Variants in PPL observed in about 807,000 individuals in gnomAD.
The protein encoded by PPL is periplakin, also known as 190 kDa paraneoplastic pemphigus antigen.
Under a neutral mutation model 194.4 loss-of-function variants are expected in PPL, and 198 were observed. The observed-to-expected ratio is 1.02, with a 90% CI of 0.91 to 1.15. The LOEUF (loss-of-function observed/expected upper bound fraction) is 1.15, where lower values mean the gene tolerates loss of function less well. PPL is among the 50% of genes most tolerant of loss of function. PPL has a pLI of 0.00. For missense variants in PPL, 2,885 were observed against 2,294.8 expected (o/e 1.26, Z -5.25); for synonymous variants, 1,220 against 972.4 (o/e 1.25, Z -4.74).
Position 4,890,931 on chromosome 16 carries a change from C to T in PPL, c.1969-10G>A. On this transcript the variant is annotated splice_polypyrimidine_tract_variant and intron_variant, in intron 16 of 21. Transcript: ENST00000345988. ...ACTCACAGGCCATGGCCTGGCGGGG[C>T]AGAGGAGGAGACGGCGGTGCTACGG... The T allele has an allele frequency of 6.6e-7, 1 of 1,508,496 alleles. No homozygotes were observed. The highest frequency in any genetic ancestry group is 8.9e-7 in the Non-Finnish European group (1 of 1,121,586). The allele number at this position is 1,508,496 out of a possible 1,614,324, so 93.4% of individuals were successfully genotyped here. A position where few individuals can be genotyped will look rare whatever the true frequency, so the allele number is the denominator to read the frequency against.
At position 4,888,771 on chromosome 16, in the gene PPL, G is replaced by C. The variant is rs570674566; in HGVS notation, c.2397+207C>G. On this transcript the variant is annotated intron_variant, in intron 19 of 21. Transcript: ENST00000345988. Reference sequence around the variant, plus strand: ...TTCCCCCAAAGTGTTTACTGCTTCAGAGTATAAAACCCTTTTACAGCATTC... The same window carrying C: ...TTCCCCCAAAGTGTTTACTGCTTCACAGTATAAAACCCTTTTACAGCATTC... The C allele has an allele frequency of 6.2e-5, 34 of 546,876 alleles. No individual in the cohort carries two copies. In the South Asian group the frequency reaches 1.2e-3, roughly 19 times the overall value. The allele number at this position is 546,876 out of a possible 1,614,324, so 33.9% of individuals were successfully genotyped here.
At chr16:4,903,824 CCCCCCG>C in intron 3 of PPL, 56 bp downstream of exon 3, 2 of 1,586,100 alleles carry the variant, frequency 1.3e-6, no homozygotes, top group Non-Finnish European at 8.6e-7. Flanking sequence ...CTGAACAGGA[CCCCCCG>C]CCCTGGCCCA....
Position 4,885,936 on chromosome 16 carries a change from G to GCCT in PPL, c.2716_2718dup (p.Arg907dup), listed in dbSNP as rs746823937. The GCCT allele has an allele frequency of 3.1e-6, 5 of 1,612,968 alleles. No individual in the cohort carries two copies. The highest frequency in any genetic ancestry group is 3.4e-6 in the Non-Finnish European group (4 of 1,180,024). On this transcript the variant is annotated inframe_insertion, in exon 22 of 22. Coordinates refer to ENST00000345988, the MANE Select transcript of PPL (RefSeq NM_002705.5). This position sits in a 1 kb window ranked among gnomAD's most constrained non-coding sequence, Gnocchi z 6.3. ...CTCTTGACCTCGTTCTCCAGCTGCC[G>GCCT]CCTCCGCTCAGTCTCCTCATCCAGT...
rs747427216 is a variant in PPL at position 4,902,544 on chromosome 16, C to T, written c.318-18G>A. 7 of 1,610,588 alleles carry T rather than the reference C, an allele frequency of 4.3e-6. No homozygotes were observed. The highest frequency in any genetic ancestry group is 5.1e-6 in the Non-Finnish European group (6 of 1,178,330). ...GGCGGATACTGATGGGAGAGAGGCTCCCACTTAGTGGGGCTGGTTGGCACT... is the reference window on the plus strand; with the variant it reads ...GGCGGATACTGATGGGAGAGAGGCTTCCACTTAGTGGGGCTGGTTGGCACT... On this transcript the variant is annotated intron_variant, in intron 3 of 21. Transcript: ENST00000345988. This position sits in a 1 kb window ranked among gnomAD's most constrained non-coding sequence, Gnocchi z 4.0.
At position 4,890,918 on chromosome 16, in the gene PPL, T is replaced by C. The variant is rs1406419176; in HGVS notation, c.1972A>G (p.Met658Val). ...LDSKGQELAAMACELQAQKSL... is the reference protein window; with the variant it reads ...LDSKGQELAAVACELQAQKSL... ...TTCTGGGCCTGTAACTCACAGGCCATGGCCTGGCGGGGCAGAGGAGGAGAC... is the reference window on the plus strand; with the variant it reads ...TTCTGGGCCTGTAACTCACAGGCCACGGCCTGGCGGGGCAGAGGAGGAGAC... Residue 658 changes from methionine to valine, a missense_variant, in exon 17 of 22, where the codon ATG (methionine) becomes GTG (valine). Met to Val is a conservative substitution (Grantham distance 21, BLOSUM62 1). Coordinates refer to ENST00000345988, the MANE Select transcript of PPL (RefSeq NM_002705.5). The C allele has an allele frequency of 6.6e-7, 1 of 1,519,824 alleles. No individual in the cohort carries two copies. Among genetic ancestry groups the C allele is most frequent in the East Asian group, 2.5e-5 (1 of 40,134 alleles). The allele number at this position is 1,519,824 out of a possible 1,614,324, so 94.1% of individuals were successfully genotyped here.
At chr16:4,908,637 A>C (rs2088754236) in intron 2 of PPL, among the ~76,000 whole-genome samples, 1 of 152,170 alleles carries the variant, frequency 6.6e-6, no homozygotes, top group Non-Finnish European at 1.5e-5. Flanking sequence ...TTCCGGGCTT[A>C]AGCGAGCCTC....
intron 1 of PPL, among the ~76,000 whole-genome samples, chr16:4,913,036 G>A (rs1197400764): frequency 2.6e-5 from 4 of 152,018 alleles, no homozygotes; most frequent in Non-Finnish European, 4.4e-5. Context: ...CCTGGGAGGT[G>A]GAGGTGGCAG....
At chr16:4,908,422 T>TTCTCTCTCTCTCTC (rs58737308) in intron 2 of PPL, among the ~76,000 whole-genome samples, 1,844 of 148,462 alleles carry the variant, frequency 0.012, 32 homozygotes, top group African/African-American at 0.039. Context: ...TCTTCCTTCT[T>TTCTCTCTCTCTCTC]TCTCTCTCTC....
In PPL at chr16:4,885,858, C is replaced by A. The variant is rs2088209894; in HGVS notation, c.2797G>T (p.Val933Leu). 1 of 1,608,146 alleles carries A rather than the reference C, an allele frequency of 6.2e-7. No individual in the cohort carries two copies. Among genetic ancestry groups the A allele is most frequent in the Admixed American group, 1.7e-5 (1 of 60,004 alleles). ...LRNQGPQESV[V>L]RKEVLKKVPD... ...ACCTTCTTGAGCACCTCCTTCCTCA[C>A]CACCGATTCCTGAGGCCCCTGATTC... Residue 933 changes from valine (V) to leucine (L), a missense_variant, in exon 22 of 22, where the codon GTG becomes TTG. Physicochemically the swap from Val to Leu is conservative, Grantham distance 32. Transcript: ENST00000345988. The surrounding 1 kb of genome is among the most constrained non-coding windows in gnomAD (Gnocchi z 6.3).
intron 1 of PPL, among the ~76,000 whole-genome samples, chr16:4,930,865 C>G (rs1228328958): frequency 6.6e-6 from 1 of 152,174 alleles, no homozygotes; most frequent in East Asian, 1.9e-4. Flanking sequence ...GTGCAGGGCA[C>G]CAGCTCCCAG....
chr16:4,934,456 C>A (rs1217796103), intron 1 of PPL, among the ~76,000 whole-genome samples: 4 of 152,098 alleles, frequency 2.6e-5, no homozygotes. Flanking sequence ...CAGCACTGCT[C>A]CTCCCAGCAG....
At chr16:4,904,100 T>TG in intron 2 of PPL, 60 bp from the exon 3 acceptor site, 1 of 1,522,806 alleles carries the variant, frequency 6.6e-7, no homozygotes, top group Non-Finnish European at 8.9e-7. Context: ...ACGGTGGCAA[T>TG]GGGAGGGGTG....
chr16:4,889,836 T>C (rs929903798), intron 18 of PPL, among the ~76,000 whole-genome samples: 12 of 152,198 alleles, frequency 7.9e-5, no homozygotes, highest in African/African-American at 2.7e-4. Flanking sequence ...AGGCACTGCG[T>C]TGGGCATGGG....
chr16:4,928,273 A>G (rs2089184707), intron 1 of PPL, among the ~76,000 whole-genome samples: 1 of 152,220 alleles, frequency 6.6e-6, no homozygotes, highest in South Asian at 2.1e-4. Context: ...TTTAGTAGGG[A>G]CAGGGTTTCA....
chr16:4,911,557 C>T (rs549922279), intron 1 of PPL, among the ~76,000 whole-genome samples: 2 of 152,234 alleles, frequency 1.3e-5, no homozygotes, highest in Admixed American at 1.3e-4. Context: ...TTTATTGAGA[C>T]GGAGTCTCAC....
intron 17 of PPL, 127 bp downstream of exon 17, chr16:4,890,601 G>A: frequency 1.6e-6 from 2 of 1,216,196 alleles, no homozygotes; most frequent in African/African-American, 1.5e-5. Flanking sequence ...AGGGCCGTCA[G>A]AGAATCTGAC....
In PPL at chr16:4,889,241, G is replaced by GGTTTTTTTTTTTTTTTTTTTTTTTT. The variant is rs1442783436; in HGVS notation, c.2314-181_2314-180insAAAAAAAAAAAAAAAAAAAAAAAAC. Reference sequence around the variant, plus strand: ...AAAAGGCAGTTTTTTTGTTGTTGTTGTTTTTTTTTTTTTTTTTTTTTTTTT... The same window carrying GGTTTTTTTTTTTTTTTTTTTTTTTT: ...AAAAGGCAGTTTTTTTGTTGTTGTTGGTTTTTTTTTTTTTTTTTTTTTTTTTTTTTTTTTTTTTTTTTTTTTTTTT... On this transcript the variant is annotated intron_variant, in intron 18 of 21. Transcript: ENST00000345988. Among the ~76,000 whole-genome samples the GGTTTTTTTTTTTTTTTTTTTTTTTT allele has an allele frequency of 3.5e-4, 23 of 66,636 alleles. 2 individuals carry two copies. Among genetic ancestry groups the GGTTTTTTTTTTTTTTTTTTTTTTTT allele is most frequent in the South Asian group, 1.2e-3 (2 of 1,684 alleles). The allele number at this position is 66,636 out of a possible 152,430, so 43.7% of individuals were successfully genotyped here. A position where few individuals can be genotyped will look rare whatever the true frequency, so the allele number is the denominator to read the frequency against.
At chr16:4,932,276 C>T (rs1030787943) in intron 1 of PPL, among the ~76,000 whole-genome samples, 1 of 152,202 alleles carries the variant, frequency 6.6e-6, no homozygotes, top group African/African-American at 2.4e-5. Context: ...CGGGGCGGCT[C>T]TCTCTAAGCT....
intron 9 of PPL, among the ~76,000 whole-genome samples, chr16:4,896,793 A>C (rs12596053): frequency 0.47 from 70,995 of 151,338 alleles, 18,617 homozygotes; most frequent in East Asian, 0.65. Flanking sequence ...GGGCCACCAC[A>C]CCTGGCTAAC....
Sources: gnomAD v4.1 joint callset for allele counts (sites outside exome capture counted in the v4.1 genomes callset) on GRCh38, gnomAD v4.1.1 for gene constraint, Gnocchi (gnomAD v3.1) non-coding constraint, MANE v1.5 for transcripts, NCBI Gene and HGNC (gene_info 2026-07-23, HGNC 2026-07-21) for gene names.